ADGRL3: variants seen among roughly 807,000 people sequenced by gnomAD.
The protein encoded by ADGRL3 is calcium-independent alpha-latrotoxin receptor 3.
Under a neutral mutation model 153.5 loss-of-function variants are expected in ADGRL3, and 62 were observed. The observed-to-expected ratio is 0.40, with a 90% confidence interval of 0.33 to 0.50. The LOEUF is 0.50. Ranked by LOEUF, ADGRL3 falls within the 20% of genes least tolerant of loss-of-function variation. ADGRL3 has a pLI of 0.47. For synonymous variants in ADGRL3, 710 were observed against 672.5 expected (o/e 1.06, Z -0.86); for missense variants, 1,641 against 1,859.4 (o/e 0.88, Z 2.16).
intron 1 of ADGRL3, among the ~76,000 whole-genome samples, chr4:61,252,744 C>A (rs926797549): frequency 6.6e-6 from 1 of 150,686 alleles, no homozygotes; most frequent in Non-Finnish European, 1.5e-5. Context: ...CATTTTGGCA[C>A]TCAGTAGTTA....
chr4:61,731,443 T>C (rs953528767), intron 7 of ADGRL3, among the ~76,000 whole-genome samples: 1 of 152,108 alleles, frequency 6.6e-6, no homozygotes, highest in African/African-American at 2.4e-5. Context: ...TTTCTAATTT[T>C]TTCACCCAGT....
At chr4:62,058,355 A>G (rs1172904251) in intron 25 of ADGRL3, among the ~76,000 whole-genome samples, 1 of 152,204 alleles carries the variant, frequency 6.6e-6, no homozygotes, top group South Asian at 2.1e-4. Context: ...GAGCTGGACA[A>G]TTGACACTCT....
At chr4:61,368,316 G>A (rs2096448931) in intron 1 of ADGRL3, among the ~76,000 whole-genome samples, 1 of 152,156 alleles carries the variant, frequency 6.6e-6, no homozygotes, top group South Asian at 2.1e-4. Context: ...CCTATGTCCT[G>A]AATGGTAATG....
At chr4:61,532,526 C>T (rs1203522571) in intron 4 of ADGRL3, among the ~76,000 whole-genome samples, 4 of 135,280 alleles carry the variant, frequency 3.0e-5, no homozygotes, top group East Asian at 2.2e-4. Flanking sequence ...CTGCAGGATG[C>T]TGCATGCGCG....
At chr4:61,904,019 C>G (rs1482109545) in intron 11 of ADGRL3, among the ~76,000 whole-genome samples, 1 of 150,588 alleles carries the variant, frequency 6.6e-6, no homozygotes, top group Non-Finnish European at 1.5e-5. Context: ...TCCTCCTGCA[C>G]TGGCCTCCCG....
intron 6 of ADGRL3, among the ~76,000 whole-genome samples, chr4:61,725,261 A>G (rs1008306679): frequency 1.3e-5 from 2 of 152,138 alleles, no homozygotes; most frequent in Non-Finnish European, 1.5e-5. Flanking sequence ...GAGCCATGGT[A>G]TTTGTGCCTC....
At chr4:61,278,485 C>T (rs2093583277) in intron 1 of ADGRL3, among the ~76,000 whole-genome samples, 1 of 151,948 alleles carries the variant, frequency 6.6e-6, no homozygotes, top group Non-Finnish European at 1.5e-5. Flanking sequence ...GCAAACATTG[C>T]AGTACTATTT....
At chr4:61,831,881 G>A (rs1336774572) in intron 9 of ADGRL3, among the ~76,000 whole-genome samples, 1 of 151,872 alleles carries the variant, frequency 6.6e-6, no homozygotes, top group Non-Finnish European at 1.5e-5. Flanking sequence ...TAACCAGAAT[G>A]AAGGGGTAGC....
intron 4 of ADGRL3, among the ~76,000 whole-genome samples, chr4:61,543,080 T>C (rs577642288): frequency 7.2e-5 from 11 of 152,206 alleles, no homozygotes; most frequent in African/African-American, 2.4e-4. Flanking sequence ...ACTTGTTCAG[T>C]ATTTGTTTTA....
chr4:61,401,343 A>G (rs937450605), intron 2 of ADGRL3, among the ~76,000 whole-genome samples: 4 of 151,968 alleles, frequency 2.6e-5, no homozygotes, highest in Non-Finnish European at 4.4e-5. Context: ...TGTGGAGAAC[A>G]TTTATTTTTG....
intron 17 of ADGRL3, among the ~76,000 whole-genome samples, chr4:61,972,989 A>G (rs553167315): frequency 1.2e-3 from 181 of 152,164 alleles, no homozygotes; most frequent in Non-Finnish European, 1.8e-3. Context: ...AACTCTCTAA[A>G]ATTATTTTTT....
chr4:61,742,076 G>A lies in ADGRL3; in HGVS notation c.1399+8522G>A, dbSNP rs536239279. Among the ~76,000 whole-genome samples the A allele has an allele frequency of 4.6e-5, 7 of 152,202 alleles. No individual in the cohort carries two copies. In the East Asian group the frequency reaches 5.8e-4, roughly 13 times the overall value. On this transcript the variant is annotated intron_variant, in intron 8 of 26. Transcript: ENST00000683033. ...TAGTGTTGTTGCTCTTCATTGGCAC[G>A]TCTTTTAAGGGTTGGTAACAGTGCC...
chr4:61,646,261 G>A (rs778422662), intron 5 of ADGRL3, among the ~76,000 whole-genome samples: 10 of 152,086 alleles, frequency 6.6e-5, no homozygotes, highest in Non-Finnish European at 1.2e-4. Flanking sequence ...TAATTTGATC[G>A]TCTGAAGCCT....
intron 4 of ADGRL3, among the ~76,000 whole-genome samples, chr4:61,560,688 A>T (rs1286492264): frequency 1.3e-5 from 2 of 151,950 alleles, no homozygotes; most frequent in Non-Finnish European, 2.9e-5. Context: ...GAAATGGAGA[A>T]TAATTTACTC....
At chr4:61,367,413 G>C (rs1298574612) in intron 1 of ADGRL3, among the ~76,000 whole-genome samples, 6 of 147,924 alleles carry the variant, frequency 4.1e-5, no homozygotes, top group African/African-American at 1.5e-4. Flanking sequence ...ACAGTCCCCA[G>C]AGTGTGATAT....
chr4:61,336,378 C>G (rs1224843219), intron 1 of ADGRL3, among the ~76,000 whole-genome samples: 1 of 152,136 alleles, frequency 6.6e-6, no homozygotes, highest in Non-Finnish European at 1.5e-5. Flanking sequence ...ATATGGATTG[C>G]AAATACCTTC....
chr4:61,350,830 C>T (rs566377751), intron 1 of ADGRL3, among the ~76,000 whole-genome samples: 35 of 152,200 alleles, frequency 2.3e-4, no homozygotes, highest in African/African-American at 7.9e-4. Flanking sequence ...TGTCATCTGT[C>T]TCCCTTCTTT....
At chr4:61,321,059 G>A (rs1355740045) in intron 1 of ADGRL3, among the ~76,000 whole-genome samples, 9 of 152,044 alleles carry the variant, frequency 5.9e-5, no homozygotes, top group Admixed American at 3.3e-4. Context: ...ATTTATAAGG[G>A]TGATTACATT....
chr4:61,270,256 G>A (rs535696369), intron 1 of ADGRL3, among the ~76,000 whole-genome samples: 1 of 151,740 alleles, frequency 6.6e-6, no homozygotes, highest in South Asian at 2.1e-4. Flanking sequence ...ACTTTAAATT[G>A]TAGGCTCTGT....
Sources: allele counts gnomAD v4.1 joint callset (sites outside exome capture counted in the v4.1 genomes callset), GRCh38; gene constraint gnomAD v4.1.1; transcripts MANE v1.5; gene names NCBI Gene and HGNC (gene_info 2026-07-23, HGNC 2026-07-21).